PDS5B: variants seen among roughly 807,000 people sequenced by gnomAD.
PDS5B encodes PDS5 cohesin associated factor B, also known as sister chromatid cohesion protein PDS5 homolog B.
In PDS5B, 51 loss-of-function variants were observed where a neutral mutation model predicts 184.1. The ratio of observed to expected loss-of-function variants is 0.28; its 90% CI spans 0.22 to 0.35. PDS5B has a LOEUF of 0.35. Among genes scored for constraint, PDS5B ranks in the 10% least tolerant of loss-of-function variants. The pLI, the probability that PDS5B is intolerant of heterozygous loss-of-function variation, is 1.00. For missense variants in PDS5B, 1,180 were observed against 1,723.3 expected (o/e 0.68, Z 5.58); for synonymous variants, 566 against 569.2 (o/e 0.99, Z 0.08).
intron 19 of PDS5B, among the ~76,000 whole-genome samples, chr13:32,718,983 T>A (rs115635363): frequency 1.0e-3 from 154 of 152,328 alleles, no homozygotes; most frequent in African/African-American, 3.7e-3. Flanking sequence ...ATAGACTGCT[T>A]ACTTTGATTT....
intron 19 of PDS5B, among the ~76,000 whole-genome samples, chr13:32,717,031 C>A (rs1593499944): frequency 7.1e-6 from 1 of 140,784 alleles, no homozygotes; most frequent in East Asian, 2.1e-4. Context: ...GGGGTCAGCC[C>A]CCCGCCCGGC....
chr13:32,727,585 G>T (rs1368935281), intron 19 of PDS5B, among the ~76,000 whole-genome samples: 1 of 151,808 alleles, frequency 6.6e-6, no homozygotes, highest in Non-Finnish European at 1.5e-5. Flanking sequence ...ATAATTTTAG[G>T]TTTACAGTGA....
At chr13:32,638,029 A>G (rs1262716379) in intron 1 of PDS5B, among the ~76,000 whole-genome samples, 2 of 152,206 alleles carry the variant, frequency 1.3e-5, no homozygotes, top group Non-Finnish European at 2.9e-5. Flanking sequence ...ATGCATCTAC[A>G]GATATGCCTC....
At chr13:32,656,428 G>A (rs1373058725) in intron 3 of PDS5B, among the ~76,000 whole-genome samples, 1 of 151,786 alleles carries the variant, frequency 6.6e-6, no homozygotes, top group Admixed American at 6.6e-5. Flanking sequence ...GCTTTGGACA[G>A]CATGGCCTTT....
chr13:32,752,741 T>G (rs960518398), intron 24 of PDS5B, among the ~76,000 whole-genome samples: 3 of 152,110 alleles, frequency 2.0e-5, no homozygotes, highest in Non-Finnish European at 4.4e-5. Flanking sequence ...GGCACACGGG[T>G]AATAATCAGC....
intron 1 of PDS5B, among the ~76,000 whole-genome samples, chr13:32,587,003 T>C (rs1239009651): frequency 1.0e-4 from 12 of 119,052 alleles, no homozygotes; most frequent in African/African-American, 1.7e-4. Flanking sequence ...GCCGCCGCCG[T>C]CGCCGCCGCC....
intron 1 of PDS5B, among the ~76,000 whole-genome samples, chr13:32,591,908 G>T (rs1387149802): frequency 6.6e-6 from 1 of 152,138 alleles, no homozygotes; most frequent in African/African-American, 2.4e-5. Flanking sequence ...GCACCTTGAC[G>T]GGGAGCAATG....
chr13:32,701,727 A>G (rs2140872704), intron 17 of PDS5B, among the ~76,000 whole-genome samples: 1 of 152,208 alleles, frequency 6.6e-6, no homozygotes, highest in South Asian at 2.1e-4. Flanking sequence ...TTGTCAATCT[A>G]AGCCTAATTT....
In PDS5B at chr13:32,675,963, T is replaced by C. The variant is rs1341489167; in HGVS notation, c.962+4T>C. 1.9e-6 allele frequency: 3 copies of C among 1,588,424 alleles called. No individual in the cohort carries two copies. Among genetic ancestry groups the C allele is most frequent in the Non-Finnish European group, 1.7e-6 (2 of 1,157,006 alleles). The stretch of plus-strand genomic sequence containing the variant: ...TTTGGCAGTGCTACTTGGGCAGGTA[T>C]ATGATTTTGGTTTCCCATTTAAAAG... On this transcript the variant is annotated splice_donor_region_variant and intron_variant, in intron 9 of 34. Transcript: ENST00000315596.
intron 11 of PDS5B, 52 bp from the exon 12 acceptor site, chr13:32,687,082 T>C (rs1951418128): frequency 1.4e-6 from 2 of 1,417,948 alleles, no homozygotes; most frequent in Non-Finnish European, 1.9e-6. Flanking sequence ...CTTTCCTTAA[T>C]TTATATAATG....
chr13:32,747,725 A>C (rs907840788), intron 24 of PDS5B, among the ~76,000 whole-genome samples: 3 of 152,208 alleles, frequency 2.0e-5, no homozygotes, highest in African/African-American at 7.2e-5. Context: ...AGAAACCAAC[A>C]TATGTAATTA....
intron 1 of PDS5B, among the ~76,000 whole-genome samples, chr13:32,642,357 C>T (rs1950118577): frequency 6.6e-6 from 1 of 152,108 alleles, no homozygotes; most frequent in African/African-American, 2.4e-5. Flanking sequence ...AAGGAGCTTA[C>T]AGTCTAGTGG....
chr13:32,687,713 A>C (rs1276332383), intron 12 of PDS5B, among the ~76,000 whole-genome samples: 2 of 152,196 alleles, frequency 1.3e-5, no homozygotes, highest in Non-Finnish European at 2.9e-5. Flanking sequence ...CATTATCTGA[A>C]TATAATCTTA....
At chr13:32,750,341 C>T (rs1418775039) in intron 24 of PDS5B, among the ~76,000 whole-genome samples, 3 of 152,108 alleles carry the variant, frequency 2.0e-5, no homozygotes, top group African/African-American at 4.8e-5. Flanking sequence ...TTTGTGAATA[C>T]GCTTGTGATA....
chr13:32,731,808 AAGAG>A (rs1035298807), intron 19 of PDS5B, among the ~76,000 whole-genome samples: 1 of 152,214 alleles, frequency 6.6e-6, no homozygotes, highest in African/African-American at 2.4e-5. Flanking sequence ...TAAGAATAAA[AAGAG>A]AGAGGCCTGT....
chr13:32,698,479 T>A (rs1244078918), intron 15 of PDS5B, among the ~76,000 whole-genome samples: 1 of 152,234 alleles, frequency 6.6e-6, no homozygotes, highest in African/African-American at 2.4e-5. Context: ...ATTCCATTTA[T>A]CTTCTATAAG....
At chr13:32,612,355 A>G (rs2058157053) in intron 1 of PDS5B, among the ~76,000 whole-genome samples, 1 of 152,302 alleles carries the variant, frequency 6.6e-6, no homozygotes, top group Non-Finnish European at 1.5e-5. Context: ...GACGTGAGCC[A>G]CCATGCCCGG....
chr13:32,709,489 A>G (rs953632330), intron 18 of PDS5B, among the ~76,000 whole-genome samples: 1 of 151,984 alleles, frequency 6.6e-6, no homozygotes, highest in African/African-American at 2.4e-5. Flanking sequence ...TAATGTTCGT[A>G]CCATTGTGAT....
chr13:32,642,331 A>G (rs571124920), intron 1 of PDS5B, among the ~76,000 whole-genome samples: 3 of 152,154 alleles, frequency 2.0e-5, no homozygotes, highest in Non-Finnish European at 4.4e-5. Context: ...CATAAATGTT[A>G]TATGCTACTT....
Sources: allele counts gnomAD v4.1 joint callset (sites outside exome capture counted in the v4.1 genomes callset), GRCh38; gene constraint gnomAD v4.1.1; transcripts MANE v1.5; gene names NCBI Gene and HGNC (gene_info 2026-07-23, HGNC 2026-07-21).